Variants in MBD5 observed in about 807,000 individuals in gnomAD.
MBD5 encodes methyl-CpG-binding domain protein 5.
A neutral mutation model predicts 117.3 loss-of-function variants in MBD5; 13 were observed. The observed-to-expected ratio is 0.11, with a 90% CI of 0.07 to 0.18. The LOEUF (loss-of-function observed/expected upper bound fraction) is 0.18. Ranked by LOEUF, MBD5 falls within the 10% of genes least tolerant of loss-of-function variation. The probability of loss-of-function intolerance (pLI) is 1.00; values close to 1 mark genes in which losing one functional copy is unlikely to be tolerated. For synonymous variants in MBD5, 727 were observed against 766.4 expected, an observed-to-expected ratio of 0.95 and a Z score of 0.85; for missense variants, 1,879 against 2,093.8, an observed-to-expected ratio of 0.90 and a Z score of 2.00.
At chr2:148,080,016 A>G (rs180801956) in intron 1 of MBD5, among the ~76,000 whole-genome samples, 19 of 152,354 alleles carry the variant, frequency 1.2e-4, no homozygotes, top group Admixed American at 1.1e-3. Context: ...TCAGGTAAAG[A>G]CATTGAATAA....
chr2:148,399,219 G>C (rs193263211), intron 4 of MBD5, among the ~76,000 whole-genome samples: 1 of 152,026 alleles, frequency 6.6e-6, no homozygotes, highest in African/African-American at 2.4e-5. Context: ...TGGGGATGGC[G>C]TTGAATCTAT....
intron 7 of MBD5, among the ~76,000 whole-genome samples, chr2:148,466,766 G>A (rs563247812): frequency 2.0e-5 from 3 of 152,064 alleles, no homozygotes; most frequent in South Asian, 2.1e-4. Context: ...TTCTATCAAA[G>A]AACCTCTACC....
chr2:148,378,089 A>T (rs1330349791), intron 4 of MBD5, among the ~76,000 whole-genome samples: 1 of 152,190 alleles, frequency 6.6e-6, no homozygotes, highest in African/African-American at 2.4e-5. Context: ...TTCAGAGTAT[A>T]TGCAGGGAAC....
At position 148,269,668 on chromosome 2, in the gene MBD5, G is replaced by GTT. The variant is rs11316954; in HGVS notation, c.-680+36290_-680+36291dup. 2.9e-3 allele frequency among the ~76,000 whole-genome samples: 369 copies of GTT among 125,820 alleles called. 1 individual carries two copies. The highest frequency in any genetic ancestry group is 6.9e-3 in the African/African-American group (234 of 33,800). 82.5% of individuals were successfully genotyped at this position (125,820 alleles called of 152,430 possible). A position where few individuals can be genotyped will look rare whatever the true frequency, so the allele number is the denominator to read the frequency against. On this transcript the variant is annotated intron_variant, in intron 3 of 13. Transcript: ENST00000642680. ...ATATATCTAATTGTGAGTTTTTTTA[G>GTT]TTTTTTTTTTTTTTTTTTAGTGTAG...
Position 148,489,426 on chromosome 2 carries a change from T to A in MBD5, c.3794T>A (p.Ile1265Lys). 1 of 1,614,168 alleles carries A rather than the reference T, an allele frequency of 6.2e-7. No individual in the cohort carries two copies. Among genetic ancestry groups the A allele is most frequent in the South Asian group, 1.1e-5 (1 of 91,078 alleles). ...QEDAALLNKR[I>K]STQPGLTALP... ...GATGCAGCTCTCCTAAACAAAAGAA[T>A]AAGCACTCAGCCTGGGCTCACAGCA... Residue 1265 changes from isoleucine (I) to lysine (K), a missense_variant, in exon 11 of 14, where the codon ATA becomes AAA. Around this residue, in one of 4 missense-constraint regions of MBD5, gnomAD observed 1,666 missense variants for 1,792.2 expected, o/e 0.93. Coordinates refer to ENST00000642680, the MANE Select transcript of MBD5 (RefSeq NM_001378120.1).
intron 1 of MBD5, among the ~76,000 whole-genome samples, chr2:148,070,048 C>T (rs767246232): frequency 5.9e-5 from 9 of 152,080 alleles, no homozygotes; most frequent in Non-Finnish European, 1.2e-4. Flanking sequence ...TCCTTCTATC[C>T]AGCTGTATGT....
At position 148,239,410 on chromosome 2, in the gene MBD5, A is replaced by G. The variant is rs143546962; in HGVS notation, c.-680+6015A>G. On this transcript the variant is annotated intron_variant, in intron 3 of 13. Coordinates refer to ENST00000642680, the MANE Select transcript of MBD5 (RefSeq NM_001378120.1). ...AGATCACAGGATACATACTACATGCATCAACAAATGAAATGCCCTACGACT... is the reference window on the plus strand; with the variant it reads ...AGATCACAGGATACATACTACATGCGTCAACAAATGAAATGCCCTACGACT... Among the ~76,000 whole-genome samples the G allele has an allele frequency of 6.6e-4, 100 of 152,304 alleles. 2 individuals carry two copies. In the East Asian group the frequency reaches 0.018, roughly 27 times the overall value.
At chr2:148,364,952 A>G (rs530637418) in intron 4 of MBD5, among the ~76,000 whole-genome samples, 7 of 152,222 alleles carry the variant, frequency 4.6e-5, no homozygotes, top group Non-Finnish European at 8.8e-5. Context: ...TAACAAGGAT[A>G]TTCAGGACGT....
At chr2:148,312,288 A>G (rs962455540) in intron 3 of MBD5, among the ~76,000 whole-genome samples, 1 of 152,216 alleles carries the variant, frequency 6.6e-6, no homozygotes, top group Non-Finnish European at 1.5e-5. Flanking sequence ...AGGTACACCA[A>G]TCAAACGCAG....
chr2:148,078,730 A>G (rs187513122), intron 1 of MBD5, among the ~76,000 whole-genome samples: 1 of 152,334 alleles, frequency 6.6e-6, no homozygotes, highest in Non-Finnish European at 1.5e-5. Context: ...CAGAGCTGAT[A>G]TCTACATTAC....
At chr2:148,115,284 A>G (rs1696607720) in intron 1 of MBD5, among the ~76,000 whole-genome samples, 1 of 152,196 alleles carries the variant, frequency 6.6e-6, no homozygotes, top group African/African-American at 2.4e-5. Context: ...TATTTCTGCA[A>G]TAGTGGAATT....
intron 1 of MBD5, among the ~76,000 whole-genome samples, chr2:148,173,406 G>T (rs1051791540): frequency 2.0e-5 from 3 of 152,212 alleles, no homozygotes; most frequent in Non-Finnish European, 4.4e-5. Context: ...CTGGCTCTGC[G>T]CAGTGGTCGG....
At chr2:148,317,753 T>C (rs1702188259) in intron 3 of MBD5, among the ~76,000 whole-genome samples, 1 of 152,194 alleles carries the variant, frequency 6.6e-6, no homozygotes, top group Admixed American at 6.5e-5. Context: ...TGTAATGACC[T>C]CCAGTTCCAC....
rs548686489 is a variant in MBD5, at chr2:148,133,559, C to T, written c.-924-45141C>T. ...CCATACTAGGCCGGGCACAGTGGCT[C>T]ACGCCTGTAATCCCAGCACTTTGGG... On this transcript the variant is annotated intron_variant, in intron 1 of 13. Transcript: ENST00000642680. Among the ~76,000 whole-genome samples, 7 of 152,360 alleles carry T rather than the reference C, an allele frequency of 4.6e-5. No individual in the cohort carries two copies. The South Asian group carries it at 1.4e-3, about 32-fold the overall frequency.
intron 1 of MBD5, among the ~76,000 whole-genome samples, chr2:148,052,529 G>T (rs1343681860): frequency 6.6e-6 from 1 of 151,926 alleles, no homozygotes; most frequent in South Asian, 2.1e-4. Context: ...TTTATTGTGG[G>T]CATTTACAGC....
At chr2:148,199,583 G>C (rs565390364) in intron 2 of MBD5, among the ~76,000 whole-genome samples, 8 of 152,106 alleles carry the variant, frequency 5.3e-5, no homozygotes, top group African/African-American at 1.9e-4. Flanking sequence ...GCCTGGGCAT[G>C]ATGGTGAAAC....
chr2:148,380,625 G>A (rs1299008181), intron 4 of MBD5, among the ~76,000 whole-genome samples: 1 of 152,132 alleles, frequency 6.6e-6, no homozygotes, highest in Non-Finnish European at 1.5e-5. Context: ...AGAGAGTAGT[G>A]GTTCTCCCAG....
At chr2:148,508,997 G>A (rs1682130210) in intron 12 of MBD5, among the ~76,000 whole-genome samples, 2 of 152,206 alleles carry the variant, frequency 1.3e-5, no homozygotes, top group African/African-American at 2.4e-5. Flanking sequence ...GTTCAAAAAT[G>A]TTTCAAAACA....
chr2:148,063,553 CTTT>C (rs35670128), intron 1 of MBD5, among the ~76,000 whole-genome samples: 1 of 149,526 alleles, frequency 6.7e-6, no homozygotes, highest in Non-Finnish European at 1.5e-5. Context: ...TCCAAGAAAA[CTTT>C]TTTTTTTTTA....
Sources: allele counts gnomAD v4.1 joint callset (sites outside exome capture counted in the v4.1 genomes callset), GRCh38; gene constraint gnomAD v4.1.1; regional missense constraint gnomAD v4.1.1; transcripts MANE v1.5; gene names NCBI Gene and HGNC (gene_info 2026-07-23, HGNC 2026-07-21).